The following NCKAP5 variants were observed in gnomAD, a reference collection of about 807,000 sequenced individuals.
The protein encoded by NCKAP5 is nck-associated protein 5.
A neutral mutation model predicts 167.0 loss-of-function variants in NCKAP5; 92 were observed. The observed-to-expected ratio is 0.55, with a 90% CI of 0.47 to 0.66. NCKAP5 has a LOEUF of 0.66. Among genes scored for constraint, NCKAP5 ranks in the 30% least tolerant of loss-of-function variants. The pLI is 0.00. For missense variants in NCKAP5, 2,378 were observed against 2,315.0 expected, an observed-to-expected ratio of 1.03 and a Z score of -0.56; for synonymous variants, 891 against 877.4, an observed-to-expected ratio of 1.02 and a Z score of -0.27.
At chr2:133,481,724 G>A (rs1680458620) in intron 3 of NCKAP5, among the ~76,000 whole-genome samples, 1 of 152,070 alleles carries the variant, frequency 6.6e-6, no homozygotes, top group African/African-American at 2.4e-5. Flanking sequence ...TAAGGATAAT[G>A]GTCTCCAGCT....
intron 6 of NCKAP5, among the ~76,000 whole-genome samples, chr2:133,030,708 G>A (rs2078852152): frequency 6.6e-6 from 1 of 152,128 alleles, no homozygotes; most frequent in Non-Finnish European, 1.5e-5. Context: ...TGAGGCTTGG[G>A]GATTATCTCA....
intron 7 of NCKAP5, among the ~76,000 whole-genome samples, chr2:132,981,743 T>C (rs1308615154): frequency 6.6e-6 from 1 of 152,232 alleles, no homozygotes; most frequent in Non-Finnish European, 1.5e-5. Context: ...GATGGGTTGA[T>C]ACAGCAAACC....
the NCKAP5 span, among the ~76,000 whole-genome samples, chr2:133,673,034 C>G: frequency 0.055 from 8,316 of 152,248 alleles, 733 homozygotes; most frequent in African/African-American, 0.19. Context: ...CAAAGGCAGA[C>G]TCCATTTTGT....
At chr2:133,628,153 C>A in the NCKAP5 span, among the ~76,000 whole-genome samples, 6 of 152,050 alleles carry the variant, frequency 3.9e-5, no homozygotes, top group African/African-American at 1.4e-4. Context: ...GGCAATCAGG[C>A]AAGAGAAAGA....
intron 4 of NCKAP5, among the ~76,000 whole-genome samples, chr2:133,234,685 A>T (rs2150265171): frequency 6.6e-6 from 1 of 152,072 alleles, no homozygotes; most frequent in African/African-American, 2.4e-5. Context: ...ATTCTTTATA[A>T]TTTTCCAGGT....
At chr2:133,011,850 G>A (rs190830325) in intron 6 of NCKAP5, among the ~76,000 whole-genome samples, 1 of 152,270 alleles carries the variant, frequency 6.6e-6, no homozygotes, top group Non-Finnish European at 1.5e-5. Context: ...CTCTTCAGGG[G>A]AATTCAATAT....
intron 5 of NCKAP5, among the ~76,000 whole-genome samples, chr2:133,156,694 AT>A (rs2083590001): frequency 6.6e-6 from 1 of 152,062 alleles, no homozygotes; most frequent in African/African-American, 2.4e-5. Context: ...TGTGACCGGG[AT>A]AATTGGGTAT....
chr2:133,330,211 T>G (rs1682749839), intron 3 of NCKAP5, among the ~76,000 whole-genome samples: 1 of 149,572 alleles, frequency 6.7e-6, no homozygotes, highest in South Asian at 2.1e-4. Context: ...TTTACAGGCA[T>G]GCACCACCAC....
At chr2:132,901,444 T>C (rs566113718) in intron 8 of NCKAP5, among the ~76,000 whole-genome samples, 1 of 152,232 alleles carries the variant, frequency 6.6e-6, no homozygotes, top group Non-Finnish European at 1.5e-5. Flanking sequence ...TGGAATTGTC[T>C]TTTTAAACCC....
At chr2:133,442,165 G>A (rs1297556013) in intron 3 of NCKAP5, among the ~76,000 whole-genome samples, 2 of 152,156 alleles carry the variant, frequency 1.3e-5, no homozygotes, top group African/African-American at 4.8e-5. Flanking sequence ...TCACACGTGA[G>A]CTCTGTTCAG....
At chr2:133,629,605 T>C in the NCKAP5 span, among the ~76,000 whole-genome samples, 1 of 152,056 alleles carries the variant, frequency 6.6e-6, no homozygotes, top group African/African-American at 2.4e-5. Flanking sequence ...GAAATACCAT[T>C]TGACCCAGCA....
At chr2:132,718,391 G>T (rs1689575794) in intron 19 of NCKAP5, among the ~76,000 whole-genome samples, 1 of 152,152 alleles carries the variant, frequency 6.6e-6, no homozygotes, top group Non-Finnish European at 1.5e-5. Flanking sequence ...CGGGTGTGAT[G>T]CACACTCATC....
the NCKAP5 span, among the ~76,000 whole-genome samples, chr2:133,607,189 CAA>C: frequency 1.3e-5 from 2 of 152,180 alleles, no homozygotes; most frequent in Non-Finnish European, 2.9e-5. Context: ...ATAACTGACT[CAA>C]GAGCAAATGC....
At chr2:133,064,073 C>A (rs1490666343) in intron 6 of NCKAP5, among the ~76,000 whole-genome samples, 2 of 152,210 alleles carry the variant, frequency 1.3e-5, no homozygotes, top group Admixed American at 1.3e-4. Context: ...TATTTGACTT[C>A]TCTCCTCACA....
intron 8 of NCKAP5, among the ~76,000 whole-genome samples, chr2:132,897,566 G>A (rs1030843922): frequency 6.6e-6 from 1 of 152,190 alleles, no homozygotes; most frequent in African/African-American, 2.4e-5. Flanking sequence ...GTAAACTGTA[G>A]AATGTCTGGC....
intron 3 of NCKAP5, among the ~76,000 whole-genome samples, chr2:133,467,076 C>A (rs1692657927): frequency 6.6e-6 from 1 of 151,922 alleles, no homozygotes; most frequent in African/African-American, 2.4e-5. Flanking sequence ...GAGGGCATCC[C>A]TGTCTTGTGC....
chr2:133,620,758 T>A, the NCKAP5 span, among the ~76,000 whole-genome samples: 2 of 152,106 alleles, frequency 1.3e-5, no homozygotes, highest in East Asian at 3.8e-4. Context: ...AACTATACCT[T>A]AGAACAAATG....
intron 2 of NCKAP5, among the ~76,000 whole-genome samples, chr2:133,556,297 T>C (rs2104989648): frequency 6.6e-6 from 1 of 152,358 alleles, no homozygotes; most frequent in Non-Finnish European, 1.5e-5. Flanking sequence ...CTTCCAAATG[T>C]CCCAAATAAA....
chr2:133,235,398 A>T (rs2087354251), intron 4 of NCKAP5, among the ~76,000 whole-genome samples: 1 of 152,100 alleles, frequency 6.6e-6, no homozygotes, highest in South Asian at 2.1e-4. Context: ...TGTATTGATT[A>T]AAATGGCCCC....
Sources: gnomAD v4.1 joint callset for allele counts (sites outside exome capture counted in the v4.1 genomes callset) on GRCh38, gnomAD v4.1.1 for gene constraint, MANE v1.5 for transcripts, NCBI Gene and HGNC (gene_info 2026-07-23, HGNC 2026-07-21) for gene names.